The following GRID2 variants were observed in gnomAD, a reference collection of about 807,000 sequenced individuals.
GRID2 encodes glutamate ionotropic receptor delta type subunit 2, also known as glutamate receptor ionotropic, delta-2.
A neutral mutation model predicts 114.8 loss-of-function variants in GRID2; 33 were observed. That is an observed-to-expected ratio of 0.29 (90% CI 0.22 to 0.38). The LOEUF (loss-of-function observed/expected upper bound fraction) is 0.38. Ranked by LOEUF, GRID2 falls within the 10% of genes least tolerant of loss-of-function variation. GRID2 has a pLI of 1.00. For synonymous variants in GRID2, 505 were observed against 449.9 expected (o/e 1.12, Z -1.55); for missense variants, 1,184 against 1,257.7 (o/e 0.94, Z 0.89).
intron 1 of GRID2, among the ~76,000 whole-genome samples, chr4:92,325,637 A>T (rs1444420804): frequency 6.6e-6 from 1 of 151,858 alleles, no homozygotes; most frequent in Non-Finnish European, 1.5e-5. Flanking sequence ...CATGACAGAA[A>T]ACACCTAGTA....
chr4:92,352,122 T>C (rs185927954), intron 1 of GRID2, among the ~76,000 whole-genome samples: 85 of 151,984 alleles, frequency 5.6e-4, no homozygotes, highest in African/African-American at 1.9e-3. Flanking sequence ...CAACAGTGTA[T>C]TAGATTTCCC....
chr4:92,436,189 GATAA>G (rs1327953823), intron 1 of GRID2, among the ~76,000 whole-genome samples: 1 of 152,026 alleles, frequency 6.6e-6, no homozygotes, highest in Non-Finnish European at 1.5e-5. Flanking sequence ...ATTCTTGGAG[GATAA>G]ATAATGGCAA....
chr4:93,082,988 C>T (rs1730004776), intron 2 of GRID2, among the ~76,000 whole-genome samples: 1 of 152,070 alleles, frequency 6.6e-6, no homozygotes. Context: ...TTACATGTGA[C>T]AGAATATAAT....
At chr4:92,623,641 CT>C (rs1730381648) in intron 2 of GRID2, among the ~76,000 whole-genome samples, 1 of 151,740 alleles carries the variant, frequency 6.6e-6, no homozygotes, top group Non-Finnish European at 1.5e-5. Flanking sequence ...GAAATTTATT[CT>C]GTTAATGTAA....
chr4:93,630,107 T>C (rs929461038), intron 14 of GRID2, among the ~76,000 whole-genome samples: 1 of 152,212 alleles, frequency 6.6e-6, no homozygotes, highest in African/African-American at 2.4e-5. Flanking sequence ...TATATAACCA[T>C]AGAAATGGCT....
chr4:92,656,426 A>C (rs760981135), intron 2 of GRID2, among the ~76,000 whole-genome samples: 1 of 151,678 alleles, frequency 6.6e-6, no homozygotes, highest in Non-Finnish European at 1.5e-5. Flanking sequence ...TGCTGAGAAC[A>C]GTACATTCTA....
At chr4:92,747,484 G>A (rs955681119) in intron 2 of GRID2, among the ~76,000 whole-genome samples, 1 of 152,028 alleles carries the variant, frequency 6.6e-6, no homozygotes, top group African/African-American at 2.4e-5. Context: ...TACGCTCAAG[G>A]CAGGGTAAAG....
chr4:92,994,609 C>T (rs1755091233), intron 2 of GRID2, among the ~76,000 whole-genome samples: 1 of 152,120 alleles, frequency 6.6e-6, no homozygotes, highest in Admixed American at 6.5e-5. Flanking sequence ...CAGGCATGAG[C>T]CACCATGCCC....
chr4:93,332,860 A>G (rs1758642782), intron 8 of GRID2, among the ~76,000 whole-genome samples: 1 of 152,070 alleles, frequency 6.6e-6, no homozygotes, highest in Non-Finnish European at 1.5e-5. Context: ...CTCCCCAGGT[A>G]ATTAATCACA....
intron 13 of GRID2, among the ~76,000 whole-genome samples, chr4:93,525,467 G>A (rs1730792329): frequency 6.6e-6 from 1 of 151,966 alleles, no homozygotes; most frequent in African/African-American, 2.4e-5. Flanking sequence ...CTTGCTAATT[G>A]GACATTAATA....
chr4:92,684,162 A>G (rs752107879), intron 2 of GRID2, among the ~76,000 whole-genome samples: 4 of 152,184 alleles, frequency 2.6e-5, no homozygotes, highest in Non-Finnish European at 5.9e-5. Context: ...TATGTAATTT[A>G]TACTATCATA....
intron 2 of GRID2, among the ~76,000 whole-genome samples, chr4:93,045,171 A>G (rs1424108215): frequency 2.0e-5 from 3 of 152,134 alleles, no homozygotes; most frequent in African/African-American, 7.2e-5. Context: ...ATTCTGTTTC[A>G]TGTATATAGA....
At chr4:93,135,455 T>C (rs1442857820) in intron 4 of GRID2, among the ~76,000 whole-genome samples, 1 of 152,230 alleles carries the variant, frequency 6.6e-6, no homozygotes, top group East Asian at 1.9e-4. Flanking sequence ...TTGATAGTTA[T>C]ACAAGATAAT....
Position 93,486,054 on chromosome 4 carries a change from T to G in GRID2, c.1859-4585T>G, listed in dbSNP as rs976789469. Among the ~76,000 whole-genome samples, 6 of 151,708 alleles carry G rather than the reference T, an allele frequency of 4.0e-5. No homozygotes were observed. The South Asian group carries it at 1.2e-3, about 31-fold the overall frequency. On this transcript the variant is annotated intron_variant, in intron 11 of 15. Transcript: ENST00000282020. ...TTTTACTCAAAAATAGTTTTATAGTTTTTCATGTAGAGGTCTCTCATATCT... is the reference window on the plus strand; with the variant it reads ...TTTTACTCAAAAATAGTTTTATAGTGTTTCATGTAGAGGTCTCTCATATCT...
At chr4:93,346,362 A>G (rs1416246973) in intron 8 of GRID2, among the ~76,000 whole-genome samples, 1 of 152,178 alleles carries the variant, frequency 6.6e-6, no homozygotes. Context: ...AATGAGAACA[A>G]ATAGGACTGG....
chr4:93,000,155 A>T (rs1036045983), intron 2 of GRID2, among the ~76,000 whole-genome samples: 2 of 151,698 alleles, frequency 1.3e-5, no homozygotes. Context: ...TCGTACTTAG[A>T]AGAGTTAATA....
intron 4 of GRID2, among the ~76,000 whole-genome samples, chr4:93,134,615 G>A (rs1309702646): frequency 6.6e-6 from 1 of 152,090 alleles, no homozygotes; most frequent in Non-Finnish European, 1.5e-5. Context: ...TCAGTTTTAT[G>A]AACATAATGA....
At chr4:93,481,153 T>C (rs2149446813) in intron 11 of GRID2, among the ~76,000 whole-genome samples, 1 of 152,128 alleles carries the variant, frequency 6.6e-6, no homozygotes, top group Middle Eastern at 3.4e-3. Context: ...CTCAATTATT[T>C]TGGGACCTAA....
chr4:92,694,700 G>A (rs1236290230), intron 2 of GRID2, among the ~76,000 whole-genome samples: 1 of 152,032 alleles, frequency 6.6e-6, no homozygotes, highest in Non-Finnish European at 1.5e-5. Flanking sequence ...CTTTGGAACT[G>A]GTACAGTCCT....
Sources: gnomAD v4.1 joint callset for allele counts (sites outside exome capture counted in the v4.1 genomes callset) on GRCh38, gnomAD v4.1.1 for gene constraint, MANE v1.5 for transcripts, NCBI Gene and HGNC (gene_info 2026-07-23, HGNC 2026-07-21) for gene names.